The following ATXN10 variants were observed in gnomAD, a reference collection of about 807,000 sequenced individuals.
ATXN10 encodes ataxin-10.
A neutral mutation model predicts 52.9 loss-of-function variants in ATXN10; 28 were observed. The observed-to-expected ratio is 0.53, with a 90% CI of 0.39 to 0.73. The LOEUF is 0.73. ATXN10 is among the 30% of genes least tolerant of loss of function. The pLI is 0.00. For missense variants in ATXN10, 565 were observed against 577.0 expected, an observed-to-expected ratio of 0.98 and a Z score of 0.21; for synonymous variants, 226 against 221.5, an observed-to-expected ratio of 1.02 and a Z score of -0.18.
chr22:45,798,444 A>G (rs1443406741), intron 9 of ATXN10, among the ~76,000 whole-genome samples: 1 of 152,208 alleles, frequency 6.6e-6, no homozygotes, highest in African/African-American at 2.4e-5. Flanking sequence ...GATTATCTCA[A>G]TAGAGGAAAA....
chr22:45,722,136 C>T (rs1354740035), intron 6 of ATXN10, among the ~76,000 whole-genome samples: 1 of 152,216 alleles, frequency 6.6e-6, no homozygotes, highest in Non-Finnish European at 1.5e-5. Flanking sequence ...AAGACTTTCA[C>T]ACCAATGTGT....
Position 45,816,208 on chromosome 22 carries a change from GTGTCAT to G in ATXN10, c.1237+9189_1237+9194del, listed in dbSNP as rs1487628677. ...GCGCAGGTTGTAGTGAGCTGAGATTGTGTCATTGGCACGCCAGCCTGGGTGTTGCAG... is the reference window on the plus strand; with the variant it reads ...GCGCAGGTTGTAGTGAGCTGAGATTGTGGCACGCCAGCCTGGGTGTTGCAG... On this transcript the variant is annotated intron_variant, in intron 10 of 11. Transcript: ENST00000252934. This position sits in a 1 kb window ranked among gnomAD's most constrained non-coding sequence, Gnocchi z 5.8. Among the ~76,000 whole-genome samples, 1 of 152,162 alleles carries G rather than the reference GTGTCAT, an allele frequency of 6.6e-6. No individual in the cohort carries two copies.
In ATXN10 at chr22:45,712,254, A is replaced by G. The variant is rs1924278658; in HGVS notation, c.648-6159A>G. On this transcript the variant is annotated intron_variant, in intron 5 of 11. Transcript: ENST00000252934. This position sits in a 1 kb window ranked among gnomAD's most constrained non-coding sequence, Gnocchi z 4.6. ...CAGGTTTGGGCTCATTCTTGAAGGAAAAAGAATTCTTGTTATCCAAGGAAG... is the reference window on the plus strand; with the variant it reads ...CAGGTTTGGGCTCATTCTTGAAGGAGAAAGAATTCTTGTTATCCAAGGAAG... Among the ~76,000 whole-genome samples, 1 of 152,198 alleles carries G rather than the reference A, an allele frequency of 6.6e-6. No individual in the cohort carries two copies. The highest frequency in any genetic ancestry group is 6.5e-5 in the Admixed American group (1 of 15,286).
At chr22:45,726,302 T>G (rs1188253858) in intron 6 of ATXN10, among the ~76,000 whole-genome samples, 1 of 152,128 alleles carries the variant, frequency 6.6e-6, no homozygotes. Context: ...GGTTTTTTGT[T>G]TTTTTGGCAA....
Position 45,805,304 on chromosome 22 carries a change from C to T in ATXN10, c.1174-1655C>T, listed in dbSNP as rs1471707320. On this transcript the variant is annotated intron_variant, in intron 9 of 11. Transcript: ENST00000252934. The surrounding 1 kb of genome is among the most constrained non-coding windows in gnomAD (Gnocchi z 4.4). ...CACTGTGAAAACAGTCTGGCTGTTC[C>T]TCAAATGTTTATAACTCATATGATC... Among the ~76,000 whole-genome samples, 1 of 152,160 alleles carries T rather than the reference C, an allele frequency of 6.6e-6. No individual in the cohort carries two copies. The highest frequency in any genetic ancestry group is 1.5e-5 in the Non-Finnish European group (1 of 68,028).
chr22:45,770,051 T>C lies in ATXN10; in HGVS notation c.1173+29513T>C, dbSNP rs1445638429. ...CTGAAGAAGGGCGGCTTAGGGTTTC[T>C]AGACCAGTAATGGCTACTGTTTCTT... On this transcript the variant is annotated intron_variant, in intron 9 of 11. Coordinates refer to ENST00000252934, the MANE Select transcript of ATXN10 (RefSeq NM_013236.4). This position sits in a 1 kb window ranked among gnomAD's most constrained non-coding sequence, Gnocchi z 4.5. Among the ~76,000 whole-genome samples the C allele has an allele frequency of 1.3e-5, 2 of 152,226 alleles. No individual in the cohort carries two copies. The highest frequency in any genetic ancestry group is 2.9e-5 in the Non-Finnish European group (2 of 68,038).
At chr22:45,827,032 A>C (rs1928838072) in intron 10 of ATXN10, among the ~76,000 whole-genome samples, 1 of 152,110 alleles carries the variant, frequency 6.6e-6, no homozygotes, top group Non-Finnish European at 1.5e-5. Context: ...CAGAGCTTTA[A>C]AGGAGCAGCA....
At chr22:45,821,347 TAAA>T (rs567448480) in intron 10 of ATXN10, among the ~76,000 whole-genome samples, 1 of 106,428 alleles carries the variant, frequency 9.4e-6, no homozygotes, top group Non-Finnish European at 1.9e-5. Context: ...CCCGTCTCTT[TAAA>T]AAAAAAAAAA....
Position 45,784,454 on chromosome 22 carries a change from G to A in ATXN10, c.1174-22505G>A, listed in dbSNP as rs986688741. 2.0e-5 allele frequency among the ~76,000 whole-genome samples: 3 copies of A among 152,078 alleles called. No homozygotes were observed. The highest frequency in any genetic ancestry group is 7.2e-5 in the African/African-American group (3 of 41,392). ...CTTCTAAGACATATGATCTTGATTC[G>A]TAAGACATAGTCCCCTAATTGTAAT... is the stretch of plus-strand genomic sequence containing the variant. On this transcript the variant is annotated intron_variant, in intron 9 of 11. Coordinates refer to ENST00000252934, the MANE Select transcript of ATXN10 (RefSeq NM_013236.4). This position sits in a 1 kb window ranked among gnomAD's most constrained non-coding sequence, Gnocchi z 4.2.
At chr22:45,697,756 G>A (rs967771425) in intron 3 of ATXN10, among the ~76,000 whole-genome samples, 2 of 151,990 alleles carry the variant, frequency 1.3e-5, no homozygotes, top group African/African-American at 2.4e-5. Flanking sequence ...TCAGCCTCCC[G>A]CACAGCTGGG....
intron 7 of ATXN10, 178 bp downstream of exon 7, chr22:45,729,768 AC>A: frequency 1.3e-6 from 1 of 751,424 alleles, no homozygotes; most frequent in Non-Finnish European, 2.3e-6. Flanking sequence ...CCTTATTCCT[AC>A]CATCCAGAGT....
At position 45,762,586 on chromosome 22, in the gene ATXN10, G is replaced by T. The variant is rs568221538; in HGVS notation, c.1173+22048G>T. 6.6e-6 allele frequency among the ~76,000 whole-genome samples: 1 copy of T among 152,236 alleles called. No individual in the cohort carries two copies. Among genetic ancestry groups the T allele is most frequent in the South Asian group, 2.1e-4 (1 of 4,816 alleles). The stretch of plus-strand genomic sequence containing the variant: ...CTCCTCGCTCTCCAGCTGGCTGAAG[G>T]GAAGCTGGGCAAGAGTGTATGTGTT... On this transcript the variant is annotated intron_variant, in intron 9 of 11. Transcript: ENST00000252934. The surrounding 1 kb of genome is among the most constrained non-coding windows in gnomAD (Gnocchi z 4.3).
intron 9 of ATXN10, among the ~76,000 whole-genome samples, chr22:45,751,760 A>ATAAT (rs1159780913): frequency 1.6e-5 from 1 of 63,178 alleles, no homozygotes; most frequent in African/African-American, 6.2e-5. Flanking sequence ...AAAAATAAAA[A>ATAAT]AAAAATAATA....
At chr22:45,747,547 C>G (rs1569047640) in intron 9 of ATXN10, among the ~76,000 whole-genome samples, 1 of 152,088 alleles carries the variant, frequency 6.6e-6, no homozygotes, top group African/African-American at 2.4e-5. Context: ...GTTCTCCTGT[C>G]ACTGACTTTT....
Position 45,823,015 on chromosome 22 carries a change from C to G in ATXN10, c.1237+15993C>G. The G allele has an allele frequency of 3.3e-6, 1 of 303,722 alleles. No individual in the cohort carries two copies. Among genetic ancestry groups the G allele is most frequent in the Non-Finnish European group, 6.8e-6 (1 of 147,026 alleles). 18.8% of individuals were successfully genotyped at this position (303,722 alleles called of 1,614,324 possible). A position where few individuals can be genotyped will look rare whatever the true frequency, so the allele number is the denominator to read the frequency against. ...TGTTGAAATAGTCTTTCCCATCCAT[C>G]TTTGTTCTTACTTTCCTCATGGTGT... On this transcript the variant is annotated intron_variant, in intron 10 of 11. Coordinates refer to ENST00000252934, the MANE Select transcript of ATXN10 (RefSeq NM_013236.4). The surrounding 1 kb of genome is among the most constrained non-coding windows in gnomAD (Gnocchi z 4.9).
At chr22:45,796,925 G>C (rs930513452) in intron 9 of ATXN10, among the ~76,000 whole-genome samples, 1 of 152,164 alleles carries the variant, frequency 6.6e-6, no homozygotes, top group African/African-American at 2.4e-5. Flanking sequence ...AAGAAAGCTG[G>C]AGTGGCTATA....
chr22:45,821,614 A>G (rs1928653133), intron 10 of ATXN10, among the ~76,000 whole-genome samples: 1 of 152,186 alleles, frequency 6.6e-6, no homozygotes, highest in Non-Finnish European at 1.5e-5. Flanking sequence ...TCTCTCATCC[A>G]TCTTAGTACC....
At chr22:45,804,170 C>T (rs1002714222) in intron 9 of ATXN10, among the ~76,000 whole-genome samples, 1 of 152,188 alleles carries the variant, frequency 6.6e-6, no homozygotes, top group Admixed American at 6.5e-5. Context: ...TCTGTTCCTA[C>T]AAACTGACAG....
rs1402553515 is a variant in ATXN10 at position 45,823,264 on chromosome 22, AT to A, written c.1237+16246del. ...ATGTTTTAATGAATAAAAATTCCCA[AT>A]TTTAATGTAAAATTTATCAGTCTTT... On this transcript the variant is annotated intron_variant, in intron 10 of 11. Transcript: ENST00000252934. The surrounding 1 kb of genome is among the most constrained non-coding windows in gnomAD (Gnocchi z 4.9). The A allele has an allele frequency of 2.2e-6, 1 of 462,432 alleles. No homozygotes were observed. The highest frequency in any genetic ancestry group is 2.5e-5 in the Admixed American group (1 of 40,640). 28.6% of individuals were successfully genotyped at this position (462,432 alleles called of 1,614,324 possible). A position where few individuals can be genotyped will look rare whatever the true frequency, so the allele number is the denominator to read the frequency against.
Sources: allele counts gnomAD v4.1 joint callset (sites outside exome capture counted in the v4.1 genomes callset), GRCh38; gene constraint gnomAD v4.1.1; non-coding constraint Gnocchi (gnomAD v3.1); transcripts MANE v1.5; gene names NCBI Gene and HGNC (gene_info 2026-07-23, HGNC 2026-07-21).